The following HLCS variants were observed in gnomAD, a reference collection of about 807,000 sequenced individuals.
HLCS encodes the protein biotin--protein ligase.
HLCS carries 53 observed loss-of-function variants against 75.0 expected under a neutral mutation model. The observed-to-expected ratio is 0.71, with a 90% CI of 0.57 to 0.89. The LOEUF (loss-of-function observed/expected upper bound fraction) is 0.89. Among genes scored for constraint, HLCS ranks in the 40% least tolerant of loss-of-function variants. The probability of loss-of-function intolerance (pLI) is 0.00; values close to 1 mark genes in which losing one functional copy is unlikely to be tolerated. For synonymous variants in HLCS, 431 were observed against 428.6 expected (o/e 1.01, Z -0.07); for missense variants, 966 against 1,074.0 (o/e 0.90, Z 1.41).
chr21:36,956,468 CT>C (rs1353446035), intron 2 of HLCS, among the ~76,000 whole-genome samples: 29 of 152,168 alleles, frequency 1.9e-4, no homozygotes, highest in Non-Finnish European at 1.5e-4. Context: ...GTGGCTCACA[CT>C]TGTAATCCCA....
At chr21:36,787,950 G>A (rs149928690) in intron 6 of HLCS, among the ~76,000 whole-genome samples, 5 of 152,280 alleles carry the variant, frequency 3.3e-5, no homozygotes, top group African/African-American at 1.2e-4. Flanking sequence ...CTGGGGAGAC[G>A]CTGCAGCTTG....
intron 1 of HLCS, among the ~76,000 whole-genome samples, chr21:36,965,044 A>G (rs932654662): frequency 2.0e-5 from 3 of 152,178 alleles, no homozygotes; most frequent in Non-Finnish European, 4.4e-5. Flanking sequence ...TATTTGCATA[A>G]CTAGTACCTT....
chr21:36,769,255 G>C (rs117597207), intron 6 of HLCS, among the ~76,000 whole-genome samples: 1 of 152,230 alleles, frequency 6.6e-6, no homozygotes, highest in African/African-American at 2.4e-5. Context: ...CAAGGAGGGA[G>C]ACAACCGGGG....
At chr21:36,963,541 T>C (rs1303637345) in intron 1 of HLCS, among the ~76,000 whole-genome samples, 1 of 151,496 alleles carries the variant, frequency 6.6e-6, no homozygotes, top group Non-Finnish European at 1.5e-5. Context: ...GCACCTAAGG[T>C]TGGGAATTGG....
chr21:36,825,533 T>C (rs2061980230), intron 6 of HLCS, among the ~76,000 whole-genome samples: 1 of 152,144 alleles, frequency 6.6e-6, no homozygotes. Flanking sequence ...AAAAATACAC[T>C]TCATTCATCT....
intron 6 of HLCS, among the ~76,000 whole-genome samples, chr21:36,862,365 G>T (rs761196232): frequency 1.3e-4 from 20 of 152,210 alleles, no homozygotes; most frequent in Admixed American, 1.1e-3. Flanking sequence ...GCAAGGCGCT[G>T]CCTGTTTTCC....
chr21:36,950,866 C>A (rs2067639328), intron 2 of HLCS, among the ~76,000 whole-genome samples: 1 of 152,174 alleles, frequency 6.6e-6, no homozygotes, highest in African/African-American at 2.4e-5. Context: ...ACAGCTATTG[C>A]AGACATATAT....
rs191545636 is a variant in HLCS at position 36,775,003 on chromosome 21, C to T, written c.1893-7718G>A. 6.0e-4 allele frequency among the ~76,000 whole-genome samples: 91 copies of T among 152,284 alleles called. 2 individuals are homozygous for T. Among genetic ancestry groups the T allele is most frequent in the Admixed American group, 1.3e-3 (20 of 15,296 alleles). On this transcript the variant is annotated intron_variant, in intron 6 of 10. Transcript: ENST00000674895. ...TATGCTTTAAATCATATCCCCTTTCCGCTCTTGGTGTAGAACAGGATGAAT... is the reference window on the plus strand; with the variant it reads ...TATGCTTTAAATCATATCCCCTTTCTGCTCTTGGTGTAGAACAGGATGAAT...
At chr21:36,833,364 C>T (rs2146059394) in intron 6 of HLCS, among the ~76,000 whole-genome samples, 1 of 150,874 alleles carries the variant, frequency 6.6e-6, no homozygotes, top group Non-Finnish European at 1.5e-5. Flanking sequence ...GTGGGTGGAT[C>T]ACTTGAGGTC....
chr21:36,837,724 G>A (rs917423465), intron 6 of HLCS, among the ~76,000 whole-genome samples: 1 of 152,150 alleles, frequency 6.6e-6, no homozygotes, highest in Non-Finnish European at 1.5e-5. Context: ...GTGAATTTTA[G>A]GGAAATTTGC....
At chr21:36,949,025 A>G (rs1382973189) in intron 2 of HLCS, among the ~76,000 whole-genome samples, 1 of 152,178 alleles carries the variant, frequency 6.6e-6, no homozygotes, top group Non-Finnish European at 1.5e-5. Context: ...CAGCCGATAC[A>G]CCGCCGAGGC....
intron 6 of HLCS, among the ~76,000 whole-genome samples, chr21:36,861,765 A>G (rs1311657604): frequency 6.6e-6 from 1 of 152,230 alleles, no homozygotes; most frequent in Non-Finnish European, 1.5e-5. Flanking sequence ...TAAAAATAAT[A>G]GCTTTACTGA....
intron 2 of HLCS, among the ~76,000 whole-genome samples, chr21:36,940,528 T>A (rs1312566695): frequency 6.6e-6 from 1 of 152,096 alleles, no homozygotes; most frequent in Non-Finnish European, 1.5e-5. Flanking sequence ...TAACTCCTCC[T>A]AAAAACTATT....
chr21:36,901,977 G>C lies in HLCS; in HGVS notation c.1621-4846C>G, dbSNP rs184433534. Among the ~76,000 whole-genome samples the C allele has an allele frequency of 3.3e-3, 508 of 152,294 alleles. 3 individuals carry two copies. The highest frequency in any genetic ancestry group is 0.012 in the African/African-American group (492 of 41,552). Reference sequence around the variant, plus strand: ...ATCAAGTGTGTCTGTGGACAGCAGTGGGGGGCGGTGGTTGCGGGAGTCTCC... The same window carrying C: ...ATCAAGTGTGTCTGTGGACAGCAGTCGGGGGCGGTGGTTGCGGGAGTCTCC... On this transcript the variant is annotated intron_variant, in intron 5 of 10. Coordinates refer to ENST00000674895, the MANE Select transcript of HLCS (RefSeq NM_001352514.2).
chr21:36,950,536 C>A (rs543430415), intron 2 of HLCS, among the ~76,000 whole-genome samples: 1 of 151,962 alleles, frequency 6.6e-6, no homozygotes, highest in South Asian at 2.1e-4. Context: ...ATAGCGCAAT[C>A]AGGACTCATT....
chr21:36,926,502 G>A (rs1287915542), intron 5 of HLCS, among the ~76,000 whole-genome samples: 2 of 152,062 alleles, frequency 1.3e-5, no homozygotes, highest in African/African-American at 4.8e-5. Context: ...CCAATGACAC[G>A]CAGTCATTTG....
intron 1 of HLCS, among the ~76,000 whole-genome samples, chr21:36,976,595 CAATAAT>C (rs1013596279): frequency 1.7e-3 from 261 of 152,072 alleles, no homozygotes; most frequent in African/African-American, 6.0e-3. Flanking sequence ...AAATAAATAA[CAATAAT>C]AATAATAATG....
intron 6 of HLCS, among the ~76,000 whole-genome samples, chr21:36,807,507 C>G (rs537949284): frequency 6.6e-6 from 1 of 152,214 alleles, no homozygotes; most frequent in African/African-American, 2.4e-5. Context: ...AAGGGGCCCA[C>G]TGTTAATAAC....
intron 6 of HLCS, among the ~76,000 whole-genome samples, chr21:36,891,814 T>G (rs1447062709): frequency 2.0e-5 from 3 of 152,152 alleles, no homozygotes; most frequent in Non-Finnish European, 2.9e-5. Flanking sequence ...CAACCAGCAA[T>G]CTAAGTGAGC....
Sources: gnomAD v4.1 joint callset for allele counts (sites outside exome capture counted in the v4.1 genomes callset) on GRCh38, gnomAD v4.1.1 for gene constraint, MANE v1.5 for transcripts, NCBI Gene and HGNC (gene_info 2026-07-23, HGNC 2026-07-21) for gene names.